IL1RAPL1: variants seen among roughly 807,000 people sequenced by gnomAD.
IL1RAPL1 encodes interleukin 1 receptor accessory protein like 1, also known as interleukin-1 receptor accessory protein-like 1.
IL1RAPL1 carries 3 observed loss-of-function variants against 48.4 expected under a neutral mutation model. That is an observed-to-expected ratio of 0.06 (90% CI 0.03 to 0.16). The LOEUF is 0.16. Ranked by LOEUF, IL1RAPL1 falls within the 10% of genes least tolerant of loss-of-function variation. The probability of loss-of-function intolerance (pLI) is 1.00; values close to 1 mark genes in which losing one functional copy is unlikely to be tolerated. For synonymous variants in IL1RAPL1, 185 were observed against 187.7 expected, an observed-to-expected ratio of 0.99 and a Z score of 0.12; for missense variants, 349 against 530.6, an observed-to-expected ratio of 0.66 and a Z score of 3.36.
chrX:29,142,501 A>G (rs777996646), intron 2 of IL1RAPL1, among the ~76,000 whole-genome samples: 9 of 111,964 alleles, frequency 8.0e-5, no homozygotes, highest in Admixed American at 5.7e-4. Flanking sequence ...CCTAGTGGAC[A>G]AACTGGTTTT....
intron 6 of IL1RAPL1, among the ~76,000 whole-genome samples, chrX:29,683,086 T>G (rs1926508223): frequency 8.9e-6 from 1 of 112,168 alleles, no homozygotes; most frequent in Admixed American, 9.5e-5. Context: ...GTCTTGAGTT[T>G]CAGGCAGATC....
At chrX:28,667,187 A>G (rs991691956) in intron 1 of IL1RAPL1, among the ~76,000 whole-genome samples, 2 of 112,042 alleles carry the variant, frequency 1.8e-5, no homozygotes, top group African/African-American at 3.2e-5. Context: ...TAAAAAATAC[A>G]TTTGGGAAAT....
At chrX:29,635,205 T>C (rs776931847) in intron 5 of IL1RAPL1, among the ~76,000 whole-genome samples, 21 of 111,664 alleles carry the variant, frequency 1.9e-4, no homozygotes, top group African/African-American at 6.8e-4. Context: ...ATAAGCCTGG[T>C]TTTCCATGTT....
In IL1RAPL1 at chrX:28,695,570, A is replaced by C. The variant is rs139195221; in HGVS notation, c.-24-93750A>C. Among the ~76,000 whole-genome samples the C allele has an allele frequency of 8.6e-3, 968 of 111,963 alleles. 10 individuals are homozygous for C. Among genetic ancestry groups the C allele is most frequent in the African/African-American group, 0.03 (923 of 30,926 alleles). On this transcript the variant is annotated intron_variant, in intron 1 of 10. Coordinates refer to ENST00000378993, the MANE Select transcript of IL1RAPL1 (RefSeq NM_014271.4). ...GATTGTCATTGCTTATTTTTTACTT[A>C]GGAGTATAAAAATAAGATAGTGAAA... is the stretch of plus-strand genomic sequence containing the variant.
intron 2 of IL1RAPL1, among the ~76,000 whole-genome samples, chrX:28,986,522 T>C (rs917461898): frequency 2.7e-5 from 3 of 112,310 alleles, no homozygotes; most frequent in Admixed American, 9.4e-5. Flanking sequence ...TTCTAGTTCA[T>C]GACTTCTTTA....
intron 2 of IL1RAPL1, among the ~76,000 whole-genome samples, chrX:29,185,715 A>G (rs997949329): frequency 4.5e-5 from 5 of 111,997 alleles, no homozygotes; most frequent in Admixed American, 9.5e-5. Flanking sequence ...TAACAGAGAT[A>G]TGATAAATCT....
In IL1RAPL1 at chrX:29,955,679, T is replaced by C. The variant is rs1297178678; in HGVS notation, c.1950T>C (p.Cys650=). The C allele has an allele frequency of 1.7e-6, 2 of 1,209,682 alleles. No individual in the cohort carries two copies. Among genetic ancestry groups the C allele is most frequent in the African/African-American group, 3.5e-5 (2 of 57,081 alleles). The change falls in exon 11 of 11, where the codon TGT becomes TGC. Residue 650 remains cysteine, a synonymous_variant. Transcript: ENST00000378993. Reference sequence around the variant, plus strand: ...CCATAGGCAATCAGCATACCTACTGTAACATCCCTATGACACTCATCAACG... The same window carrying C: ...CCATAGGCAATCAGCATACCTACTGCAACATCCCTATGACACTCATCAACG... ...LTSIGNQHTY[C]NIPMTLINGQ...
chrX:29,334,835 G>A (rs1236473599), intron 3 of IL1RAPL1, among the ~76,000 whole-genome samples: 2 of 112,946 alleles, frequency 1.8e-5, no homozygotes, highest in African/African-American at 6.5e-5. Flanking sequence ...CAGACGATGG[G>A]GGGCCAGGCA....
chrX:29,056,026 C>T lies in IL1RAPL1; in HGVS notation c.83-226912C>T, dbSNP rs187215818. ...GAACGTTGTTTCAAGGAATCATTTA[C>T]CACTCTGTATTGCCATTTGGCCTAG... On this transcript the variant is annotated intron_variant, in intron 2 of 10. Coordinates refer to ENST00000378993, the MANE Select transcript of IL1RAPL1 (RefSeq NM_014271.4). Among the ~76,000 whole-genome samples the T allele has an allele frequency of 6.3e-3, 706 of 112,149 alleles. 6 individuals carry two copies. The highest frequency in any genetic ancestry group is 0.021 in the African/African-American group (645 of 30,956).
At chrX:29,262,545 C>A (rs1931878258) in intron 2 of IL1RAPL1, among the ~76,000 whole-genome samples, 1 of 110,211 alleles carries the variant, frequency 9.1e-6, no homozygotes, top group East Asian at 2.9e-4. Context: ...TGCCAGTAAT[C>A]CTAGCTACTC....
chrX:28,988,218 A>G (rs1432264784), intron 2 of IL1RAPL1, among the ~76,000 whole-genome samples: 2 of 111,778 alleles, frequency 1.8e-5, no homozygotes, highest in Non-Finnish European at 3.8e-5. Context: ...TACTGTTTAA[A>G]TTTTTACAGC....
intron 3 of IL1RAPL1, among the ~76,000 whole-genome samples, chrX:29,328,450 G>T (rs1429161904): frequency 1.8e-5 from 2 of 110,776 alleles, no homozygotes; most frequent in South Asian, 7.6e-4. Context: ...GACTTCAGAA[G>T]AATAACACAG....
intron 3 of IL1RAPL1, among the ~76,000 whole-genome samples, chrX:29,371,903 T>C (rs1933551260): frequency 8.9e-6 from 1 of 112,191 alleles, no homozygotes; most frequent in African/African-American, 3.2e-5. Context: ...GATGAACATA[T>C]AAGTGCATGT....
intron 1 of IL1RAPL1, among the ~76,000 whole-genome samples, chrX:28,782,047 GT>G (rs1389386790): frequency 2.7e-5 from 3 of 110,633 alleles, no homozygotes; most frequent in Non-Finnish European, 5.7e-5. Flanking sequence ...TTTACTATCA[GT>G]TTTATGATTG....
chrX:28,944,315 T>C (rs1358112456), intron 2 of IL1RAPL1, among the ~76,000 whole-genome samples: 1 of 110,434 alleles, frequency 9.1e-6, no homozygotes, highest in Non-Finnish European at 1.9e-5. Flanking sequence ...TTGTAAGTTA[T>C]CTTTTAAGGA....
At chrX:29,322,374 C>G (rs1273448152) in intron 3 of IL1RAPL1, among the ~76,000 whole-genome samples, 2 of 109,988 alleles carry the variant, frequency 1.8e-5, no homozygotes, top group Non-Finnish European at 3.8e-5. Flanking sequence ...TCAAGTGATT[C>G]TCCTGCCTCA....
intron 9 of IL1RAPL1, among the ~76,000 whole-genome samples, chrX:29,946,341 C>T (rs1933212868): frequency 8.9e-6 from 1 of 112,052 alleles, no homozygotes; most frequent in South Asian, 3.7e-4. Context: ...ATTGCCACCC[C>T]CATGGGATCT....
chrX:29,026,049 A>T (rs1468322540), intron 2 of IL1RAPL1, among the ~76,000 whole-genome samples: 6 of 111,916 alleles, frequency 5.4e-5, no homozygotes, highest in Non-Finnish European at 1.1e-4. Flanking sequence ...AAAATTTATG[A>T]ACTAATTTTT....
At chrX:28,976,266 T>C (rs951793692) in intron 2 of IL1RAPL1, among the ~76,000 whole-genome samples, 10 of 111,911 alleles carry the variant, frequency 8.9e-5, no homozygotes, top group African/African-American at 3.2e-4. Context: ...GGAGACCAGT[T>C]ATGAATCCAT....
Sources: gnomAD v4.1 joint callset for allele counts (sites outside exome capture counted in the v4.1 genomes callset) on GRCh38, gnomAD v4.1.1 for gene constraint, MANE v1.5 for transcripts, NCBI Gene and HGNC (gene_info 2026-07-23, HGNC 2026-07-21) for gene names.